Variants in RABGAP1L observed in about 807,000 individuals in gnomAD.
The protein encoded by RABGAP1L is RAB GTPase activating protein 1 like, also known as rab GTPase-activating protein 1-like.
RABGAP1L carries 63 observed loss-of-function variants against 137.7 expected under a neutral mutation model. That is an observed-to-expected ratio of 0.46 (90% CI 0.37 to 0.56). The LOEUF (loss-of-function observed/expected upper bound fraction) is 0.56, where lower values mean the gene tolerates loss of function less well. RABGAP1L is among the 20% of genes least tolerant of loss of function. The pLI, the probability that RABGAP1L is intolerant of heterozygous loss-of-function variation, is 0.00. For synonymous variants in RABGAP1L, 431 were observed against 433.7 expected, an observed-to-expected ratio of 0.99 and a Z score of 0.08; for missense variants, 1,095 against 1,244.0, an observed-to-expected ratio of 0.88 and a Z score of 1.80.
intron 13 of RABGAP1L, among the ~76,000 whole-genome samples, chr1:174,505,392 C>T (rs1661723942): frequency 6.6e-6 from 1 of 151,998 alleles, no homozygotes; most frequent in African/African-American, 2.4e-5. Flanking sequence ...CACATTTTGG[C>T]CCAAACTTTA....
intron 11 of RABGAP1L, among the ~76,000 whole-genome samples, chr1:174,347,861 T>C (rs1044727007): frequency 6.6e-6 from 1 of 152,204 alleles, no homozygotes; most frequent in Non-Finnish European, 1.5e-5. Context: ...ATGGGATATC[T>C]TTTCTATCCC....
chr1:174,653,345 A>G (rs1675704944), intron 14 of RABGAP1L, among the ~76,000 whole-genome samples: 1 of 152,158 alleles, frequency 6.6e-6, no homozygotes, highest in South Asian at 2.1e-4. Flanking sequence ...TATTAAAAAA[A>G]ACTCCTGCAG....
At chr1:174,798,852 G>A (rs1688482021) in intron 18 of RABGAP1L, among the ~76,000 whole-genome samples, 1 of 152,212 alleles carries the variant, frequency 6.6e-6, no homozygotes, top group African/African-American at 2.4e-5. Flanking sequence ...ATATGGATTA[G>A]TTAATTGTTA....
intron 17 of RABGAP1L, among the ~76,000 whole-genome samples, chr1:174,728,522 G>A (rs1221148487): frequency 6.6e-6 from 1 of 151,042 alleles, no homozygotes; most frequent in African/African-American, 2.4e-5. Context: ...GGAAGAATCG[G>A]TATCATTAAT....
chr1:174,796,511 T>A (rs1467204498), intron 18 of RABGAP1L, among the ~76,000 whole-genome samples: 2 of 152,182 alleles, frequency 1.3e-5, no homozygotes, highest in African/African-American at 4.8e-5. Context: ...AACATTCTAT[T>A]CTGAAAGAAT....
At chr1:174,715,694 T>C (rs1240776613) in intron 17 of RABGAP1L, among the ~76,000 whole-genome samples, 2 of 152,248 alleles carry the variant, frequency 1.3e-5, no homozygotes, top group Non-Finnish European at 2.9e-5. Context: ...AAATAACAGA[T>C]GGTCTTTGTC....
At chr1:174,742,703 A>T (rs1392740679) in intron 17 of RABGAP1L, among the ~76,000 whole-genome samples, 1 of 152,198 alleles carries the variant, frequency 6.6e-6, no homozygotes, top group Non-Finnish European at 1.5e-5. Context: ...GCAGCCTGGG[A>T]TGGTTGACTG....
At chr1:174,968,566 T>G (rs572489633) in intron 20 of RABGAP1L, among the ~76,000 whole-genome samples, 2 of 152,170 alleles carry the variant, frequency 1.3e-5, no homozygotes, top group East Asian at 3.9e-4. Context: ...TTTTATCATG[T>G]AACTTTGTTT....
chr1:174,836,501 C>A (rs1306458448), intron 19 of RABGAP1L, among the ~76,000 whole-genome samples: 1 of 152,186 alleles, frequency 6.6e-6, no homozygotes, highest in East Asian at 1.9e-4. Context: ...AGTTTTTACA[C>A]TGGGATACAA....
At chr1:174,277,429 T>A (rs1471459126) in intron 9 of RABGAP1L, among the ~76,000 whole-genome samples, 1 of 151,824 alleles carries the variant, frequency 6.6e-6, no homozygotes, top group African/African-American at 2.4e-5. Flanking sequence ...GTTTTTATGT[T>A]TTTAATGTAA....
intron 13 of RABGAP1L, among the ~76,000 whole-genome samples, chr1:174,456,794 T>A (rs540410364): frequency 2.0e-5 from 3 of 152,296 alleles, no homozygotes; most frequent in African/African-American, 7.2e-5. Context: ...ACTGAGTTAT[T>A]TGAAAAGTTT....
intron 19 of RABGAP1L, among the ~76,000 whole-genome samples, chr1:174,899,978 C>G (rs930348603): frequency 1.3e-5 from 2 of 151,828 alleles, no homozygotes; most frequent in Admixed American, 1.3e-4. Context: ...GACTATAGTG[C>G]AGAAGTTGGA....
chr1:174,599,928 A>G (rs571859083), intron 13 of RABGAP1L, among the ~76,000 whole-genome samples: 1 of 152,090 alleles, frequency 6.6e-6, no homozygotes, highest in African/African-American at 2.4e-5. Flanking sequence ...ACCCTGGTCT[A>G]CCTCTCACTA....
chr1:174,868,176 C>T (rs912882684), intron 19 of RABGAP1L, among the ~76,000 whole-genome samples: 1 of 151,902 alleles, frequency 6.6e-6, no homozygotes, highest in Non-Finnish European at 1.5e-5. Context: ...CCAGGCTGGT[C>T]TCGAACTCCT....
intron 4 of RABGAP1L, among the ~76,000 whole-genome samples, chr1:174,232,725 C>T (rs187591663): frequency 1.1e-4 from 17 of 150,588 alleles, no homozygotes; most frequent in East Asian, 9.8e-4. Context: ...CGTGCCACTG[C>T]GCTCCAGCCT....
At position 174,962,199 on chromosome 1, in the gene RABGAP1L, C is replaced by CG. The variant is rs1319740551; in HGVS notation, c.2433+4650_2433+4651insG. Among the ~76,000 whole-genome samples, 19 of 123,968 alleles carry CG rather than the reference C, an allele frequency of 1.5e-4. 2 individuals are homozygous for CG. Among genetic ancestry groups the CG allele is most frequent in the African/African-American group, 6.2e-4 (19 of 30,656 alleles). The allele number at this position is 123,968 out of a possible 152,430, so 81.3% of individuals were successfully genotyped here. On this transcript the variant is annotated intron_variant, in intron 20 of 25. Coordinates refer to ENST00000681986, the MANE Select transcript of RABGAP1L (RefSeq NM_001366446.1). ...CAAAAAATAAAAATAAAAATACACC[C>CG]CCCCCCCACACACACACACAGCTAG...
At chr1:174,744,873 A>ATG (rs1683748160) in intron 17 of RABGAP1L, among the ~76,000 whole-genome samples, 1 of 152,232 alleles carries the variant, frequency 6.6e-6, no homozygotes, top group East Asian at 1.9e-4. Context: ...TTTGATCATT[A>ATG]TACTATGGTT....
At chr1:174,497,488 G>A (rs982385585) in intron 13 of RABGAP1L, among the ~76,000 whole-genome samples, 1 of 152,144 alleles carries the variant, frequency 6.6e-6, no homozygotes, top group Non-Finnish European at 1.5e-5. Context: ...AAACCTTACT[G>A]TGTTTGTGTA....
chr1:174,804,600 A>G (rs999960115), intron 18 of RABGAP1L, among the ~76,000 whole-genome samples: 1 of 152,148 alleles, frequency 6.6e-6, no homozygotes, highest in Admixed American at 6.5e-5. Context: ...GGTGTGAACC[A>G]CCGTGCCCGG....
Sources: gnomAD v4.1 joint callset for allele counts (sites outside exome capture counted in the v4.1 genomes callset) on GRCh38, gnomAD v4.1.1 for gene constraint, MANE v1.5 for transcripts, NCBI Gene and HGNC (gene_info 2026-07-23, HGNC 2026-07-21) for gene names.